Variants in XKR6 observed in about 807,000 individuals in gnomAD.
The protein encoded by XKR6 is XK-related protein 6.
XKR6 carries 22 observed loss-of-function variants against 56.7 expected under a neutral mutation model. The ratio of observed to expected loss-of-function variants is 0.39; its 90% CI spans 0.28 to 0.55. The LOEUF is 0.55. Ranked by LOEUF, XKR6 falls within the 20% of genes least tolerant of loss-of-function variation. The pLI, the probability that XKR6 is intolerant of heterozygous loss-of-function variation, is 0.66. For missense variants in XKR6, 852 were observed against 889.0 expected (o/e 0.96, Z 0.53); for synonymous variants, 524 against 387.8 (o/e 1.35, Z -4.13).
chr8:11,095,850 G>A (rs1798250269), intron 1 of XKR6, among the ~76,000 whole-genome samples: 1 of 152,164 alleles, frequency 6.6e-6, no homozygotes, highest in Admixed American at 6.5e-5. Context: ...ATTCATGGTT[G>A]TATGTTCCTC....
intron 1 of XKR6, among the ~76,000 whole-genome samples, chr8:10,986,016 C>G (rs1248665754): frequency 1.3e-5 from 2 of 152,052 alleles, no homozygotes; most frequent in Non-Finnish European, 2.9e-5. Context: ...AAGGAGACTA[C>G]TAATAGATGA....
chr8:10,915,471 G>A (rs1239248320), intron 2 of XKR6, among the ~76,000 whole-genome samples: 2 of 151,774 alleles, frequency 1.3e-5, no homozygotes, highest in Non-Finnish European at 1.5e-5. Context: ...TGCATTCACT[G>A]TCATGAAACC....
chr8:11,184,419 ACTTAT>A (rs1369430027), intron 1 of XKR6, among the ~76,000 whole-genome samples: 1 of 145,062 alleles, frequency 6.9e-6, no homozygotes, highest in African/African-American at 2.6e-5. Flanking sequence ...ACACACACAC[ACTTAT>A]ATTACATTTA....
intron 1 of XKR6, among the ~76,000 whole-genome samples, chr8:11,174,291 G>C (rs1437901638): frequency 5.9e-5 from 9 of 152,200 alleles, no homozygotes; most frequent in Non-Finnish European, 1.2e-4. Flanking sequence ...CTCTCTTCCA[G>C]ATGGCAAGCG....
intron 1 of XKR6, chr8:11,124,310 T>A (rs1019017049): frequency 1.8e-5 from 6 of 334,564 alleles, no homozygotes; most frequent in African/African-American, 1.3e-4. Flanking sequence ...ACCCTTCATT[T>A]CTACTGGACT....
chr8:11,104,999 T>G (rs1186762747), intron 1 of XKR6: 1 of 152,116 alleles, frequency 6.6e-6, no homozygotes, highest in Non-Finnish European at 1.5e-5. Flanking sequence ...TCTACCACAT[T>G]CGGTTTTTAA....
intron 1 of XKR6, among the ~76,000 whole-genome samples, chr8:11,086,060 C>T (rs547303339): frequency 2.8e-4 from 43 of 151,906 alleles, no homozygotes; most frequent in Non-Finnish European, 5.4e-4. Context: ...GACACTCTCA[C>T]GGTCCCGCCA....
rs1798827611 is a variant in XKR6 at position 11,024,943 on chromosome 8, T to C, written c.765-100113A>G. The stretch of plus-strand genomic sequence containing the variant: ...TGGCCACACACTCACCATTAGGTGG[T>C]CAAGACCGGCTCTCTAAAGTGGCTG... On this transcript the variant is annotated intron_variant, in intron 1 of 2. Coordinates refer to ENST00000416569, the MANE Select transcript of XKR6 (RefSeq NM_173683.4). Among the ~76,000 whole-genome samples, 4 of 152,300 alleles carry C rather than the reference T, an allele frequency of 2.6e-5. No homozygotes were observed. The South Asian group carries it at 8.3e-4, about 32-fold the overall frequency.
At chr8:10,958,453 C>CCCACATCCA (rs967700632) in intron 1 of XKR6, among the ~76,000 whole-genome samples, 3 of 152,214 alleles carry the variant, frequency 2.0e-5, no homozygotes, top group African/African-American at 4.8e-5. Flanking sequence ...CCCAGGAGGG[C>CCCACATCCA]CCACATCCAG....
chr8:11,025,965 C>T (rs1798851424), intron 1 of XKR6, among the ~76,000 whole-genome samples: 1 of 152,134 alleles, frequency 6.6e-6, no homozygotes, highest in South Asian at 2.1e-4. Context: ...AGAATCAGTA[C>T]AAGAGATTAA....
intron 1 of XKR6, among the ~76,000 whole-genome samples, chr8:11,113,565 T>C (rs1799010496): frequency 6.6e-6 from 1 of 152,202 alleles, no homozygotes; most frequent in South Asian, 2.1e-4. Flanking sequence ...TACAATTCTT[T>C]AACATAGAAA....
intron 1 of XKR6, among the ~76,000 whole-genome samples, chr8:11,114,664 C>T (rs1799072855): frequency 6.6e-6 from 1 of 151,572 alleles, no homozygotes; most frequent in African/African-American, 2.4e-5. Context: ...CCTGGCCAAA[C>T]ATTTATTTTT....
intron 1 of XKR6, among the ~76,000 whole-genome samples, chr8:10,968,499 C>A (rs1028825906): frequency 6.6e-5 from 10 of 152,232 alleles, no homozygotes; most frequent in Admixed American, 6.5e-4. Context: ...GTGGGCTCCT[C>A]TGCAGAACTC....
At chr8:11,168,206 G>A (rs927519436) in intron 1 of XKR6, among the ~76,000 whole-genome samples, 6 of 152,302 alleles carry the variant, frequency 3.9e-5, no homozygotes, top group South Asian at 2.1e-4. Context: ...TTAACTGACA[G>A]AACATGTCCC....
At chr8:10,945,176 A>T (rs933718892) in intron 1 of XKR6, among the ~76,000 whole-genome samples, 7 of 152,282 alleles carry the variant, frequency 4.6e-5, no homozygotes, top group Non-Finnish European at 8.8e-5. Context: ...ACGTTGCAAA[A>T]AACTTGATTA....
chr8:11,123,661 A>G (rs1278853477), intron 1 of XKR6: 4 of 340,052 alleles, frequency 1.2e-5, no homozygotes, highest in Non-Finnish European at 2.3e-5. Flanking sequence ...ATACTCAAAT[A>G]TATCTTTATG....
intron 1 of XKR6, among the ~76,000 whole-genome samples, chr8:11,000,602 T>C (rs961272673): frequency 6.6e-6 from 1 of 152,150 alleles, no homozygotes; most frequent in African/African-American, 2.4e-5. Context: ...GGAGAATTGC[T>C]TCAACCCAGG....
intron 1 of XKR6, among the ~76,000 whole-genome samples, chr8:10,998,713 G>A (rs1207967514): frequency 6.6e-6 from 1 of 152,136 alleles, no homozygotes; most frequent in Non-Finnish European, 1.5e-5. Context: ...CTCCCAGCCA[G>A]CTCCATTTCC....
rs1269994754 is a variant in XKR6, at chr8:11,200,730, G to A, written c.610C>T (p.Pro204Ser). 4 of 1,591,004 alleles carry A rather than the reference G, an allele frequency of 2.5e-6. No homozygotes were observed. The highest frequency in any genetic ancestry group is 1.8e-5 in the Admixed American group (1 of 57,074). The stretch of plus-strand genomic sequence containing the variant: ...ACGTAGCCGGCCCCCATCATGGGGG[G>A]GCCCCGGCTGGTGAGCCCCTCCACG... ...GAVEGLTSRG[P>S]PMMGAGYVHG... The change falls in exon 1 of 3, where the codon CCC (proline) becomes TCC (serine). Residue 204 changes from proline to serine, a missense_variant. By Grantham distance (74) the Pro-to-Ser change is moderately conservative. Coordinates refer to ENST00000416569, the MANE Select transcript of XKR6 (RefSeq NM_173683.4). The surrounding 1 kb of genome is among the most constrained non-coding windows in gnomAD (Gnocchi z 6.4).
Sources: allele counts gnomAD v4.1 joint callset (sites outside exome capture counted in the v4.1 genomes callset), GRCh38; gene constraint gnomAD v4.1.1; non-coding constraint Gnocchi (gnomAD v3.1); transcripts MANE v1.5; gene names NCBI Gene and HGNC (gene_info 2026-07-23, HGNC 2026-07-21).